Variants in TUT7 observed in about 807,000 individuals in gnomAD.
The protein encoded by TUT7 is terminal uridylyltransferase 7.
In TUT7, 33 loss-of-function variants were observed where a neutral mutation model predicts 165.9. The ratio of observed to expected loss-of-function variants is 0.20; its 90% CI spans 0.15 to 0.27. The LOEUF (loss-of-function observed/expected upper bound fraction) is 0.27, where lower values mean the gene tolerates loss of function less well. Ranked by LOEUF, TUT7 falls within the 10% of genes least tolerant of loss-of-function variation. The pLI is 1.00. For missense variants in TUT7, 1,338 were observed against 1,762.3 expected, an observed-to-expected ratio of 0.76 and a Z score of 4.31; for synonymous variants, 552 against 608.1, an observed-to-expected ratio of 0.91 and a Z score of 1.36.
chr9:86,333,413 T>G (rs1441406621), intron 10 of TUT7, among the ~76,000 whole-genome samples: 2 of 152,226 alleles, frequency 1.3e-5, no homozygotes, highest in Non-Finnish European at 2.9e-5. Flanking sequence ...CTTAGGTATT[T>G]TGTTCCTTTT....
At chr9:86,301,208 A>G in intron 26 of TUT7, 68 bp downstream of exon 26, 1 of 1,324,206 alleles carries the variant, frequency 7.6e-7, no homozygotes, top group Non-Finnish European at 1.0e-6. Context: ...AAAATAGTAA[A>G]GAGCTCTAAA....
chr9:86,310,689 C>T lies in TUT7; in HGVS notation c.3378+17G>A, dbSNP rs751282129. On this transcript the variant is annotated intron_variant, in intron 18 of 26. Transcript: ENST00000375963. ...TCCCTTAACCTCTCTAAACAAAAAG[C>T]CTGAAAAAAATCTTACCAATGTGTT... 6 of 1,456,372 alleles carry T rather than the reference C, an allele frequency of 4.1e-6. No individual in the cohort carries two copies. The highest frequency in any genetic ancestry group is 5.8e-6 in the Non-Finnish European group (6 of 1,039,162). The allele number at this position is 1,456,372 out of a possible 1,614,324, so 90.2% of individuals were successfully genotyped here.
chr9:86,354,062 C>T (rs1832535251), intron 1 of TUT7, among the ~76,000 whole-genome samples: 1 of 152,226 alleles, frequency 6.6e-6, no homozygotes, highest in African/African-American at 2.4e-5. Flanking sequence ...AGGAAGTGAC[C>T]TGCTGTCTCC....
intron 26 of TUT7, among the ~76,000 whole-genome samples, chr9:86,296,942 T>C (rs1826379191): frequency 6.6e-6 from 1 of 152,250 alleles, no homozygotes; most frequent in Non-Finnish European, 1.5e-5. Context: ...GTCTGATTTA[T>C]TGGATAGGAT....
At chr9:86,292,968 T>C (rs1826009632) in intron 26 of TUT7, among the ~76,000 whole-genome samples, 2 of 152,140 alleles carry the variant, frequency 1.3e-5, no homozygotes, top group South Asian at 4.1e-4. Flanking sequence ...TATACCTGAA[T>C]ATAAAATATT....
At chr9:86,297,561 C>T (rs531359796) in intron 26 of TUT7, among the ~76,000 whole-genome samples, 1 of 152,032 alleles carries the variant, frequency 6.6e-6, no homozygotes, top group East Asian at 1.9e-4. Context: ...GGTGTGGCGG[C>T]TCATATCTAT....
At position 86,345,784 on chromosome 9, in the gene TUT7, C is replaced by T. The variant is rs776184649; in HGVS notation, c.704G>A (p.Arg235Gln). ...CTTTGCTGTAGGGTAGTTTCGTGGT[C>T]GCTATAATTTGAAGAGATTTATTTA... ...KRDCIDRLKR[R>Q]PRNYPTAKYT... Residue 235 changes from arginine to glutamine, a missense_variant and splice_region_variant, in exon 4 of 27, where the codon CGA becomes CAA. By Grantham distance (43) the Arg-to-Gln change is conservative. Coordinates refer to ENST00000375963, the MANE Select transcript of TUT7 (RefSeq NM_024617.4). The T allele has an allele frequency of 2.1e-5, 34 of 1,601,036 alleles. No individual in the cohort carries two copies. The highest frequency in any genetic ancestry group is 8.9e-5 in the East Asian group (4 of 44,710).
chr9:86,338,927 C>T lies in TUT7; in HGVS notation c.1231G>A (p.Ala411Thr), dbSNP rs931739817. 4 of 1,608,844 alleles carry T rather than the reference C, an allele frequency of 2.5e-6. No homozygotes were observed. The highest frequency in any genetic ancestry group is 2.2e-5 in the East Asian group (1 of 44,712). ...GTCAGACAAGCATTTTCATTTCCTG[C>T]GCTCACTTTACACAGAAGACCACTG... Reference protein sequence around the residue: ...KQSGLLCKVSAGNENACLTTK... With the variant: ...KQSGLLCKVSTGNENACLTTK... Residue 411 changes from alanine (A) to threonine (T), a missense_variant, in exon 9 of 27, where the codon GCA becomes ACA. By Grantham distance (58) the Ala-to-Thr change is moderately conservative. Around this residue, in one of 7 missense-constraint regions of TUT7, gnomAD observed 74 missense variants for 128.5 expected, o/e 0.58. Coordinates refer to ENST00000375963, the MANE Select transcript of TUT7 (RefSeq NM_024617.4).
chr9:86,312,040 A>AC (rs1175307910), intron 17 of TUT7, among the ~76,000 whole-genome samples: 5 of 150,372 alleles, frequency 3.3e-5, no homozygotes, highest in African/African-American at 1.2e-4. Flanking sequence ...CCCGGCCGCC[A>AC]CCCCGTCTGG....
chr9:86,330,202 C>T (rs1176971328), intron 10 of TUT7, among the ~76,000 whole-genome samples: 4 of 152,104 alleles, frequency 2.6e-5, no homozygotes, highest in Non-Finnish European at 4.4e-5. Flanking sequence ...GGATTACAGG[C>T]GCCTGCCACC....
intron 22 of TUT7, among the ~76,000 whole-genome samples, chr9:86,307,410 A>G (rs1446473168): frequency 1.3e-5 from 2 of 152,252 alleles, no homozygotes; most frequent in Non-Finnish European, 2.9e-5. Context: ...TCTGTAACCC[A>G]TGGTGATCTG....
rs757986423 is a variant in TUT7 at position 86,343,055 on chromosome 9, G to A, written c.1086+20C>T. 1.3e-6 allele frequency: 2 copies of A among 1,508,646 alleles called. No homozygotes were observed. Among genetic ancestry groups the A allele is most frequent in the Non-Finnish European group, 1.8e-6 (2 of 1,093,186 alleles). 93.5% of individuals were successfully genotyped at this position (1,508,646 alleles called of 1,614,324 possible). A position where few individuals can be genotyped will look rare whatever the true frequency, so the allele number is the denominator to read the frequency against. Reference sequence around the variant, plus strand: ...TTTCCATACCACTCTGAAAGTGCCAGCATTTCATTTTGTACTTACAATGGC... The same window carrying A: ...TTTCCATACCACTCTGAAAGTGCCAACATTTCATTTTGTACTTACAATGGC... On this transcript the variant is annotated intron_variant, in intron 6 of 26. Transcript: ENST00000375963.
intron 17 of TUT7, among the ~76,000 whole-genome samples, chr9:86,316,805 AT>A (rs1828764532): frequency 2.0e-5 from 3 of 150,442 alleles, no homozygotes; most frequent in Admixed American, 1.3e-4. Flanking sequence ...TCTAAATACA[AT>A]TGGCCTTTCA....
Position 86,311,754 on chromosome 9 carries a change from C to G in TUT7, c.3275-945G>C, listed in dbSNP as rs943677025. 1.3e-5 allele frequency among the ~76,000 whole-genome samples: 2 copies of G among 151,782 alleles called. No individual in the cohort carries two copies. Among genetic ancestry groups the G allele is most frequent in the Admixed American group, 6.6e-5 (1 of 15,244 alleles). Reference sequence around the variant, plus strand: ...CCTGCCTCAGCCTGCCGAGTGCCTGCGATTGCAGGTGCGCGCCGCCACGCC... The same window carrying G: ...CCTGCCTCAGCCTGCCGAGTGCCTGGGATTGCAGGTGCGCGCCGCCACGCC... On this transcript the variant is annotated intron_variant, in intron 17 of 26. Transcript: ENST00000375963. This position sits in a 1 kb window ranked among gnomAD's most constrained non-coding sequence, Gnocchi z 4.4.
At chr9:86,333,536 TA>T (rs1255437607) in intron 10 of TUT7, among the ~76,000 whole-genome samples, 1 of 152,258 alleles carries the variant, frequency 6.6e-6, no homozygotes, top group African/African-American at 2.4e-5. Flanking sequence ...ATTTCTGTTA[TA>T]ATTTTTTGGA....
At position 86,288,634 on chromosome 9, in the gene TUT7, G is replaced by A. The variant is rs1219450443; in HGVS notation, c.*43C>T. 4 of 1,516,488 alleles carry A rather than the reference G, an allele frequency of 2.6e-6. No individual in the cohort carries two copies. Among genetic ancestry groups the A allele is most frequent in the Non-Finnish European group, 3.7e-6 (4 of 1,092,330 alleles). 93.9% of individuals were successfully genotyped at this position (1,516,488 alleles called of 1,614,324 possible). A position where few individuals can be genotyped will look rare whatever the true frequency, so the allele number is the denominator to read the frequency against. Reference sequence around the variant, plus strand: ...ATGAACCTAATTTTCCGAGTGAATAGGAACGCCTGAGTGGCCATTTAGAGT... The same window carrying A: ...ATGAACCTAATTTTCCGAGTGAATAAGAACGCCTGAGTGGCCATTTAGAGT... On this transcript the variant is annotated 3_prime_UTR_variant, in exon 27 of 27. Transcript: ENST00000375963.
intron 2 of TUT7, among the ~76,000 whole-genome samples, chr9:86,347,058 A>G (rs1429740985): frequency 3.9e-5 from 6 of 152,140 alleles, no homozygotes; most frequent in Non-Finnish European, 8.8e-5. Context: ...AATAACACCT[A>G]AGCCGGGTCC....
chr9:86,334,394 T>C (rs1830582258), intron 10 of TUT7, among the ~76,000 whole-genome samples: 1 of 152,134 alleles, frequency 6.6e-6, no homozygotes, highest in Non-Finnish European at 1.5e-5. Flanking sequence ...GGGAGAAATT[T>C]TTAACCCTCA....
chr9:86,336,628 A>T (rs1272260043), intron 10 of TUT7, among the ~76,000 whole-genome samples: 1 of 152,234 alleles, frequency 6.6e-6, no homozygotes, highest in Admixed American at 6.5e-5. Context: ...ACTTGTGTGC[A>T]TTAAGAAAAG....
Sources: allele counts gnomAD v4.1 joint callset (sites outside exome capture counted in the v4.1 genomes callset), GRCh38; gene constraint gnomAD v4.1.1; regional missense constraint gnomAD v4.1.1; non-coding constraint Gnocchi (gnomAD v3.1); transcripts MANE v1.5; gene names NCBI Gene and HGNC (gene_info 2026-07-23, HGNC 2026-07-21).